The following SCHIP1 variants were observed in gnomAD, a reference collection of about 807,000 sequenced individuals.
SCHIP1 encodes the protein schwannomin-interacting protein 1.
Under a neutral mutation model 29.7 loss-of-function variants are expected in SCHIP1, and 8 were observed. The observed-to-expected ratio is 0.27, with a 90% CI of 0.16 to 0.49. SCHIP1 has a LOEUF of 0.49. Among genes scored for constraint, SCHIP1 ranks in the 20% least tolerant of loss-of-function variants. The pLI, the probability that SCHIP1 is intolerant of heterozygous loss-of-function variation, is 0.99. For missense variants in SCHIP1, 193 were observed against 294.6 expected, an observed-to-expected ratio of 0.66 and a Z score of 2.52; for synonymous variants, 76 against 94.9, an observed-to-expected ratio of 0.80 and a Z score of 1.16.
the SCHIP1 span, among the ~76,000 whole-genome samples, chr3:159,781,233 T>C: frequency 6.6e-6 from 1 of 152,138 alleles, no homozygotes; most frequent in Non-Finnish European, 1.5e-5. Context: ...TGGAGTGCAA[T>C]GGCATGATCT....
the SCHIP1 span, among the ~76,000 whole-genome samples, chr3:159,592,092 T>G: frequency 6.6e-6 from 1 of 152,034 alleles, no homozygotes; most frequent in Non-Finnish European, 1.5e-5. Context: ...TTCTCACATC[T>G]GCAGCAAACA....
At chr3:159,704,703 G>A in the SCHIP1 span, among the ~76,000 whole-genome samples, 3 of 152,084 alleles carry the variant, frequency 2.0e-5, no homozygotes, top group Admixed American at 2.0e-4. Flanking sequence ...TCAACACCAA[G>A]AAAACCTCCA....
the SCHIP1 span, among the ~76,000 whole-genome samples, chr3:159,448,306 A>C: frequency 6.6e-6 from 1 of 152,090 alleles, no homozygotes. Context: ...CCCTGTCTCT[A>C]CTAAAAATAC....
At chr3:159,300,112 G>GATTTTTTTTTT in the SCHIP1 span, among the ~76,000 whole-genome samples, 1 of 47,636 alleles carries the variant, frequency 2.1e-5, no homozygotes, top group Non-Finnish European at 4.8e-5. Context: ...AGGGAAAGCT[G>GATTTTTTTTTT]CTTTTTTTTT....
the SCHIP1 span, among the ~76,000 whole-genome samples, chr3:159,339,013 T>C: frequency 3.0e-4 from 45 of 152,208 alleles, no homozygotes; most frequent in Middle Eastern, 0.017. Context: ...TCCATCACCA[T>C]TAATGAGGAC....
chr3:159,433,483 C>A, the SCHIP1 span, among the ~76,000 whole-genome samples: 5 of 152,058 alleles, frequency 3.3e-5, no homozygotes, highest in Admixed American at 2.0e-4. Flanking sequence ...GAAATCAGGG[C>A]AATGATGAAG....
chr3:159,487,094 G>A, the SCHIP1 span, among the ~76,000 whole-genome samples: 1 of 147,480 alleles, frequency 6.8e-6, no homozygotes, highest in South Asian at 2.3e-4. Flanking sequence ...TTCAGAAGAT[G>A]GCTTTGCACT....
the SCHIP1 span, among the ~76,000 whole-genome samples, chr3:159,680,450 A>G: frequency 7.0e-6 from 1 of 143,880 alleles, no homozygotes; most frequent in Non-Finnish European, 1.5e-5. Context: ...CGGAGGTTGC[A>G]GTGAGCCGAG....
chr3:159,411,728 C>T, the SCHIP1 span, among the ~76,000 whole-genome samples: 3 of 152,182 alleles, frequency 2.0e-5, no homozygotes, highest in Non-Finnish European at 2.9e-5. Context: ...TAGCTTGGCA[C>T]TGAGCCACAA....
chr3:159,421,486 G>A, the SCHIP1 span, among the ~76,000 whole-genome samples: 1 of 152,086 alleles, frequency 6.6e-6, no homozygotes, highest in African/African-American at 2.4e-5. Context: ...AGGAATCTAT[G>A]ACTTTATACT....
At chr3:159,619,921 A>G in the SCHIP1 span, among the ~76,000 whole-genome samples, 1 of 152,248 alleles carries the variant, frequency 6.6e-6, no homozygotes, top group East Asian at 1.9e-4. Flanking sequence ...AGTCCATGGT[A>G]TATAAAGCAG....
the SCHIP1 span, among the ~76,000 whole-genome samples, chr3:159,333,870 GATTA>G: frequency 3.3e-5 from 5 of 152,102 alleles, no homozygotes; most frequent in African/African-American, 4.8e-5. Flanking sequence ...TTTAGGAGGT[GATTA>G]ATTAATCTTT....
At chr3:159,434,682 A>G in the SCHIP1 span, among the ~76,000 whole-genome samples, 1 of 152,312 alleles carries the variant, frequency 6.6e-6, no homozygotes, top group East Asian at 1.9e-4. Flanking sequence ...ACTTTAGATC[A>G]TCTAAGATGG....
the SCHIP1 span, among the ~76,000 whole-genome samples, chr3:159,543,454 G>A: frequency 6.8e-6 from 1 of 146,200 alleles, no homozygotes; most frequent in Non-Finnish European, 1.5e-5. Flanking sequence ...ACCTATGAGT[G>A]AGAACAAGCG....
At chr3:159,717,386 C>T in the SCHIP1 span, among the ~76,000 whole-genome samples, 1 of 152,068 alleles carries the variant, frequency 6.6e-6, no homozygotes, top group African/African-American at 2.4e-5. Flanking sequence ...AAGATCAAAG[C>T]AGAACTGAAG....
intron 1 of SCHIP1, among the ~76,000 whole-genome samples, chr3:159,859,474 T>C (rs988266791): frequency 6.6e-6 from 1 of 152,238 alleles, no homozygotes; most frequent in Admixed American, 6.5e-5. Context: ...TAAGAGCGAC[T>C]ACCACTTTCC....
chr3:159,764,316 C>T, the SCHIP1 span: 2 of 1,206,054 alleles, frequency 1.7e-6, no homozygotes, highest in Non-Finnish European at 1.1e-6. The surrounding 1 kb of genome is among the most constrained non-coding windows in gnomAD (Gnocchi z 6.1). Context: ...CCCAGGCCTC[C>T]TTGGGGGACG....
chr3:159,447,762 T>C, the SCHIP1 span, among the ~76,000 whole-genome samples: 1 of 152,214 alleles, frequency 6.6e-6, no homozygotes, highest in South Asian at 2.1e-4. Flanking sequence ...CTTTAACATA[T>C]GAGTGAAGGG....
At chr3:159,398,865 A>T in the SCHIP1 span, 1 of 439,728 alleles carries the variant, frequency 2.3e-6, no homozygotes, top group Non-Finnish European at 3.0e-6. Flanking sequence ...GTTGAGTTTT[A>T]GTACCTTAGG....
Sources: gnomAD v4.1 joint callset for allele counts (sites outside exome capture counted in the v4.1 genomes callset) on GRCh38, gnomAD v4.1.1 for gene constraint, Gnocchi (gnomAD v3.1) non-coding constraint, MANE v1.5 for transcripts, NCBI Gene and HGNC (gene_info 2026-07-23, HGNC 2026-07-21) for gene names.